The following KANK1 variants were observed in gnomAD, a reference collection of about 807,000 sequenced individuals.
KANK1 encodes KN motif and ankyrin repeat domains 1.
KANK1 carries 109 observed loss-of-function variants against 106.2 expected under a neutral mutation model. The observed-to-expected ratio is 1.03, with a 90% CI of 0.88 to 1.20. KANK1 has a LOEUF of 1.20. KANK1 is among the 50% of genes most tolerant of loss of function. KANK1 has a pLI of 0.00. For missense variants in KANK1, 2,399 were observed against 1,710.7 expected (o/e 1.40, Z -7.10); for synonymous variants, 873 against 652.2 (o/e 1.34, Z -5.16).
At chr9:541,667 A>G (rs978208273) in intron 1 of KANK1, among the ~76,000 whole-genome samples, 2 of 152,230 alleles carry the variant, frequency 1.3e-5, no homozygotes, top group Admixed American at 6.5e-5. Context: ...GAAACAAACA[A>G]TAGAATGAAG....
chr9:713,043 A>T lies in KANK1; in HGVS notation c.2277A>T (p.Ser759=). The change falls in exon 3 of 12, where the codon TCA becomes TCT. Residue 759 remains serine, a synonymous_variant. Transcript: ENST00000382297. ...CATCAGCTGTGAAGACCAAAGAGTCAGGTGTGGGGCAGATAAATATTAACG... is the reference window on the plus strand; with the variant it reads ...CATCAGCTGTGAAGACCAAAGAGTCTGGTGTGGGGCAGATAAATATTAACG... ...DRPSAVKTKE[S]GVGQININDN... is the part of the protein sequence containing the mutation. 6.2e-7 allele frequency: 1 copy of T among 1,614,174 alleles called. No individual in the cohort carries two copies. Among genetic ancestry groups the T allele is most frequent in the Admixed American group, 1.7e-5 (1 of 60,020 alleles).
chr9:688,252 CCT>C (rs1819008243), intron 2 of KANK1, among the ~76,000 whole-genome samples: 1 of 152,188 alleles, frequency 6.6e-6, no homozygotes, highest in South Asian at 2.1e-4. Flanking sequence ...CGTTCTGCCT[CCT>C]CTCGTGAAAG....
intron 1 of KANK1, among the ~76,000 whole-genome samples, chr9:563,261 G>C (rs150700265): frequency 5.7e-4 from 86 of 151,198 alleles, no homozygotes; most frequent in African/African-American, 2.0e-3. Context: ...CAGAGTCTCT[G>C]TTGCCAGGAA....
chr9:689,402 G>T (rs1171548736), intron 2 of KANK1, among the ~76,000 whole-genome samples: 1 of 152,124 alleles, frequency 6.6e-6, no homozygotes, highest in Non-Finnish European at 1.5e-5. Flanking sequence ...CCTCTGCCGG[G>T]GCACACCCTC....
intron 1 of KANK1, among the ~76,000 whole-genome samples, chr9:609,216 T>C (rs1426520478): frequency 2.6e-5 from 4 of 152,268 alleles, no homozygotes; most frequent in East Asian, 1.9e-4. Flanking sequence ...ATAATGCCAC[T>C]ATATTATTTT....
At chr9:622,476 G>A in intron 1 of KANK1, among the ~76,000 whole-genome samples, 1 of 152,206 alleles carries the variant, frequency 6.6e-6, no homozygotes, top group East Asian at 1.9e-4. Flanking sequence ...TGACAAGGGT[G>A]CCAAGAATAC....
intron 1 of KANK1, among the ~76,000 whole-genome samples, chr9:538,648 T>C (rs1254856930): frequency 6.6e-6 from 1 of 152,300 alleles, no homozygotes; most frequent in East Asian, 1.9e-4. Flanking sequence ...TATTGTTTGC[T>C]TAGTTATTTG....
At chr9:506,771 G>C (rs946460807) in intron 1 of KANK1, among the ~76,000 whole-genome samples, 4 of 152,142 alleles carry the variant, frequency 2.6e-5, no homozygotes, top group Non-Finnish European at 4.4e-5. Flanking sequence ...TCCCAAGTGG[G>C]AGGAGGAGGA....
rs560493037 is a variant in KANK1, at chr9:744,652, T to C, written c.3996+63T>C. Reference sequence around the variant, plus strand: ...AATCCACCAGACTGGTGGACCCCCTTCCTCCAGGAATTGACGGGAGACAGA... The same window carrying C: ...AATCCACCAGACTGGTGGACCCCCTCCCTCCAGGAATTGACGGGAGACAGA... On this transcript the variant is annotated intron_variant, in intron 11 of 11. Coordinates refer to ENST00000382297, the MANE Select transcript of KANK1 (RefSeq NM_015158.5). 7 of 1,613,442 alleles carry C rather than the reference T, an allele frequency of 4.3e-6. No homozygotes were observed. In the Admixed American group the frequency reaches 5.0e-5, roughly 12 times the overall value.
chr9:666,757 C>G (rs112570232), intron 1 of KANK1, among the ~76,000 whole-genome samples: 37 of 152,188 alleles, frequency 2.4e-4, no homozygotes, highest in African/African-American at 7.7e-4. Context: ...TTTGCATATG[C>G]TGAACCATCT....
At chr9:715,507 C>CATGGAG (rs1827442115) in intron 3 of KANK1, among the ~76,000 whole-genome samples, 1 of 152,164 alleles carries the variant, frequency 6.6e-6, no homozygotes, top group Non-Finnish European at 1.5e-5. Context: ...ACCCTCTGAG[C>CATGGAG]ACGGAGACCA....
chr9:559,973 C>T (rs4742093), intron 1 of KANK1, among the ~76,000 whole-genome samples: 38,185 of 152,086 alleles, frequency 0.25, 5,063 homozygotes, highest in Admixed American at 0.37. Context: ...ACGTGTCATC[C>T]TTCTTCGTCT....
chr9:654,671 T>A (rs9408649), intron 1 of KANK1, among the ~76,000 whole-genome samples: 25,751 of 152,168 alleles, frequency 0.17, 2,598 homozygotes, highest in East Asian at 0.32. Context: ...GTCACCCTTC[T>A]AAGACATAAA....
At chr9:632,038 A>T (rs2136818638) in intron 1 of KANK1, among the ~76,000 whole-genome samples, 1 of 152,368 alleles carries the variant, frequency 6.6e-6, no homozygotes, top group African/African-American at 2.4e-5. Context: ...CTGTGTCATT[A>T]ATCCCTGTCT....
chr9:735,456 C>G (rs994746018), intron 7 of KANK1, among the ~76,000 whole-genome samples: 1 of 152,188 alleles, frequency 6.6e-6, no homozygotes, highest in African/African-American at 2.4e-5. Flanking sequence ...TAATGTGACA[C>G]CATGGCCAAG....
chr9:627,441 A>T (rs1163897775), intron 1 of KANK1, among the ~76,000 whole-genome samples: 1 of 152,090 alleles, frequency 6.6e-6, no homozygotes, highest in African/African-American at 2.4e-5. Flanking sequence ...CCAGGAGAGG[A>T]CCTTTTTCTC....
At chr9:516,997 C>CTA (rs1309755463) in intron 1 of KANK1, among the ~76,000 whole-genome samples, 2 of 74,972 alleles carry the variant, frequency 2.7e-5, no homozygotes, top group Non-Finnish European at 4.5e-5. Context: ...TCATCACCCT[C>CTA]TACACACACA....
chr9:604,089 C>G (rs1828476375), intron 1 of KANK1, among the ~76,000 whole-genome samples: 1 of 151,438 alleles, frequency 6.6e-6, no homozygotes, highest in East Asian at 1.9e-4. Flanking sequence ...AGTTGGGGTA[C>G]CAGTTCATAA....
chr9:643,317 A>C (rs1421957344), intron 1 of KANK1, among the ~76,000 whole-genome samples: 2 of 150,842 alleles, frequency 1.3e-5, no homozygotes, highest in East Asian at 3.8e-4. Flanking sequence ...TACTGTAGTT[A>C]TTGTTTTAAG....
Sources: allele counts gnomAD v4.1 joint callset (sites outside exome capture counted in the v4.1 genomes callset), GRCh38; gene constraint gnomAD v4.1.1; transcripts MANE v1.5; gene names NCBI Gene and HGNC (gene_info 2026-07-23, HGNC 2026-07-21).